RAD51C: variants seen among roughly 807,000 people sequenced by gnomAD.
The protein encoded by RAD51C is DNA repair protein RAD51 homolog 3.
In RAD51C, 42 loss-of-function variants were observed where a neutral mutation model predicts 45.0. That is an observed-to-expected ratio of 0.93 (90% CI 0.73 to 1.21). The LOEUF (loss-of-function observed/expected upper bound fraction) is 1.21. Among genes scored for constraint, RAD51C ranks in the 50% most tolerant of loss-of-function variants. The pLI, the probability that RAD51C is intolerant of heterozygous loss-of-function variation, is 0.00. For missense variants in RAD51C, 474 were observed against 452.2 expected (o/e 1.05, Z -0.44); for synonymous variants, 172 against 159.8 (o/e 1.08, Z -0.58).
chr17:58,727,866 G>A lies in RAD51C; in HGVS notation c.965+3766G>A, dbSNP rs532098976. The stretch of plus-strand genomic sequence containing the variant: ...TCACTTGAGCCCTGGAAGTCAGGGT[G>A]GCAGTGAGCTATGATTGAGCTATTA... On this transcript the variant is annotated intron_variant, in intron 7 of 8. Transcript: ENST00000337432. Among the ~76,000 whole-genome samples the A allele has an allele frequency of 5.9e-5, 9 of 151,822 alleles. 1 individual carries two copies. In the South Asian group the frequency reaches 1.9e-3, roughly 32 times the overall value.
chr17:58,708,491 G>C (rs1049135370), intron 4 of RAD51C, among the ~76,000 whole-genome samples: 3 of 151,934 alleles, frequency 2.0e-5, no homozygotes, highest in Non-Finnish European at 4.4e-5. Flanking sequence ...GCTAAATGAA[G>C]AAACAAATAC....
intron 5 of RAD51C, among the ~76,000 whole-genome samples, chr17:58,715,994 A>G (rs1485986127): frequency 3.3e-5 from 5 of 151,744 alleles, no homozygotes; most frequent in Non-Finnish European, 7.4e-5. Flanking sequence ...AATCCTAGCT[A>G]CTTGGGAGGC....
intron 4 of RAD51C, among the ~76,000 whole-genome samples, chr17:58,708,857 C>T (rs768020640): frequency 4.0e-5 from 6 of 151,658 alleles, no homozygotes; most frequent in Non-Finnish European, 7.4e-5. Context: ...TGTGAGCCAC[C>T]GCGCCCAGCC....
At chr17:58,726,152 C>T (rs2143980000) in intron 7 of RAD51C, among the ~76,000 whole-genome samples, 1 of 151,616 alleles carries the variant, frequency 6.6e-6, no homozygotes, top group South Asian at 2.1e-4. Context: ...TTCATACTCT[C>T]ATTTTAGTGA....
In RAD51C at chr17:58,708,416, C is replaced by G. The variant is rs551240469; in HGVS notation, c.706-1443C>G. Among the ~76,000 whole-genome samples the G allele has an allele frequency of 2.0e-5, 3 of 152,076 alleles. No individual in the cohort carries two copies. The East Asian group carries it at 5.8e-4, about 29-fold the overall frequency. On this transcript the variant is annotated intron_variant, in intron 4 of 8. Coordinates refer to ENST00000337432, the MANE Select transcript of RAD51C (RefSeq NM_058216.3). ...TTACTATATTCTTCTCTCTTATTTA[C>G]TATATCATCCCCAATGCCTGGAACA...
chr17:58,733,179 C>A (rs2049509299), intron 8 of RAD51C, among the ~76,000 whole-genome samples: 1 of 152,102 alleles, frequency 6.6e-6, no homozygotes, highest in South Asian at 2.1e-4. Context: ...CCACGCCTGG[C>A]TAATTTTTGT....
intron 4 of RAD51C, 97 bp downstream of exon 4, chr17:58,703,426 T>A (rs2143804561): frequency 1.5e-6 from 2 of 1,346,062 alleles, no homozygotes; most frequent in East Asian, 2.3e-5. Context: ...AAAATCAAAG[T>A]CAAAGCCAAT....
chr17:58,725,628 G>C (rs979759623), intron 7 of RAD51C, among the ~76,000 whole-genome samples: 5 of 152,120 alleles, frequency 3.3e-5, no homozygotes, highest in Admixed American at 3.3e-4. Flanking sequence ...CAAGAGATCA[G>C]AAAATCACGC....
intron 1 of RAD51C, 28 bp from the exon 2 acceptor site, chr17:58,694,903 G>T (rs1204195838): frequency 1.3e-6 from 2 of 1,549,252 alleles, no homozygotes; most frequent in Admixed American, 1.7e-5. Flanking sequence ...CTAAAATTAG[G>T]GTTCTTTTTT....
In RAD51C at chr17:58,709,943, G is replaced by T; in HGVS notation, c.790G>T (p.Gly264Cys). ...DLSLRTRLLN[G>C]LAQQMISLAN... ...GTCTCTTCGTACTCGGTTATTAAAT[G>T]GCCTAGCCCAGCAAATGATCAGCCT... The change falls in exon 5 of 9, where the codon GGC (glycine) becomes TGC (cysteine). Residue 264 changes from glycine to cysteine, a missense_variant. Physicochemically the swap from Gly to Cys is radical, Grantham distance 159. Transcript: ENST00000337432. The T allele has an allele frequency of 6.2e-7, 1 of 1,613,082 alleles. No individual in the cohort carries two copies. The highest frequency in any genetic ancestry group is 8.5e-7 in the Non-Finnish European group (1 of 1,179,172).
intron 5 of RAD51C, 106 bp downstream of exon 5, chr17:58,710,096 A>G (rs1424397086): frequency 2.3e-6 from 3 of 1,316,128 alleles, no homozygotes; most frequent in Non-Finnish European, 3.2e-6. Context: ...TAATATAGAC[A>G]TGCAGTTTTG....
chr17:58,727,187 A>G (rs2049195837), intron 7 of RAD51C, among the ~76,000 whole-genome samples: 1 of 143,490 alleles, frequency 7.0e-6, no homozygotes, highest in Admixed American at 7.3e-5. Context: ...TGCAATGGCG[A>G]GATCTTGGCT....
chr17:58,722,135 TTA>T (rs1187717201), intron 6 of RAD51C, among the ~76,000 whole-genome samples: 2 of 152,056 alleles, frequency 1.3e-5, no homozygotes, highest in Non-Finnish European at 2.9e-5. Flanking sequence ...AGAATGAAGT[TTA>T]TGTTTTCTAG....
chr17:58,718,377 A>G (rs1369368517), intron 5 of RAD51C, among the ~76,000 whole-genome samples: 1 of 152,118 alleles, frequency 6.6e-6, no homozygotes, highest in Non-Finnish European at 1.5e-5. Context: ...GAATTTCATT[A>G]TCAGTTTTAG....
At chr17:58,719,192 C>T (rs368291619) in intron 5 of RAD51C, among the ~76,000 whole-genome samples, 1 of 151,958 alleles carries the variant, frequency 6.6e-6, no homozygotes, top group South Asian at 2.1e-4. Context: ...CCATTGCACT[C>T]CAGCCTGGGC....
intron 5 of RAD51C, among the ~76,000 whole-genome samples, chr17:58,719,473 A>G (rs979896545): frequency 6.6e-6 from 1 of 151,894 alleles, no homozygotes; most frequent in African/African-American, 2.4e-5. Context: ...GTGTGAGCCC[A>G]GGAGTTCAAG....
In RAD51C at chr17:58,735,574, C is replaced by T. The variant is rs1441874687; in HGVS notation, c.*1352C>T. On this transcript the variant is annotated 3_prime_UTR_variant, in exon 9 of 9. Coordinates refer to ENST00000337432, the MANE Select transcript of RAD51C (RefSeq NM_058216.3). ...ATGTTGACATTTTTCTTTGAATAAT[C>T]TTAACTTTGCTTAAATAAATTAAAG... 6.6e-6 allele frequency: 1 copy of T among 152,096 alleles called. No individual in the cohort carries two copies. Among genetic ancestry groups the T allele is most frequent in the Admixed American group, 6.6e-5 (1 of 15,250 alleles). 9.4% of individuals were successfully genotyped at this position (152,096 alleles called of 1,614,324 possible).
chr17:58,696,746 G>C lies in RAD51C; in HGVS notation c.458G>C (p.Gly153Ala), dbSNP rs765730332. ...QIPECFGGVA[G>A]EAVFIDTEGS... ...CCAGAATGTTTTGGAGGAGTGGCAG[G>C]TGAAGCAGTTTTTATTGATACAGAG... Residue 153 changes from glycine to alanine, a missense_variant, in exon 3 of 9, where the codon GGT (glycine) becomes GCT (alanine). By Grantham distance (60) the Gly-to-Ala change is moderately conservative. Coordinates refer to ENST00000337432, the MANE Select transcript of RAD51C (RefSeq NM_058216.3). The C allele has an allele frequency of 6.2e-7, 1 of 1,614,194 alleles. No individual in the cohort carries two copies.
At chr17:58,731,828 C>G (rs1168617610) in intron 7 of RAD51C, among the ~76,000 whole-genome samples, 1 of 152,028 alleles carries the variant, frequency 6.6e-6, no homozygotes, top group Non-Finnish European at 1.5e-5. Flanking sequence ...TCAAGTGATC[C>G]TCATGCCTTG....
Sources: allele counts gnomAD v4.1 joint callset (sites outside exome capture counted in the v4.1 genomes callset), GRCh38; gene constraint gnomAD v4.1.1; transcripts MANE v1.5; gene names NCBI Gene and HGNC (gene_info 2026-07-23, HGNC 2026-07-21).